The following CACNA1B variants were observed in gnomAD, a reference collection of about 807,000 sequenced individuals.
CACNA1B encodes the protein voltage-dependent N-type calcium channel subunit alpha-1B.
In CACNA1B, 70 loss-of-function variants were observed where a neutral mutation model predicts 247.2. The observed-to-expected ratio is 0.28, with a 90% CI of 0.23 to 0.35. The LOEUF (loss-of-function observed/expected upper bound fraction) is 0.35, where lower values mean the gene tolerates loss of function less well. Ranked by LOEUF, CACNA1B falls within the 10% of genes least tolerant of loss-of-function variation. CACNA1B has a pLI of 1.00. For missense variants in CACNA1B, 2,367 were observed against 3,197.4 expected, an observed-to-expected ratio of 0.74 and a Z score of 6.26; for synonymous variants, 1,231 against 1,294.4, an observed-to-expected ratio of 0.95 and a Z score of 1.05.
chr9:138,120,927 G>A (rs551128578), intron 46 of CACNA1B, 46 bp downstream of exon 46: 5 of 1,525,860 alleles, frequency 3.3e-6, no homozygotes, highest in South Asian at 2.5e-5. Flanking sequence ...GCCTCTCCTC[G>A]GCCCAGCACC....
At position 138,052,243 on chromosome 9, in the gene CACNA1B, T is replaced by TGTGTGCGTGTGTGC. The variant is rs1564260656; in HGVS notation, c.3807+68_3807+69insCGTGTGCGTGTGTG. 1.2e-5 allele frequency: 8 copies of TGTGTGCGTGTGTGC among 693,846 alleles called. No homozygotes were observed. Among genetic ancestry groups the TGTGTGCGTGTGTGC allele is most frequent in the African/African-American group, 5.4e-5 (1 of 18,362 alleles). 43.0% of individuals were successfully genotyped at this position (693,846 alleles called of 1,614,324 possible). A position where few individuals can be genotyped will look rare whatever the true frequency, so the allele number is the denominator to read the frequency against. On this transcript the variant is annotated intron_variant, in intron 25 of 46. Transcript: ENST00000371372. The surrounding 1 kb of genome is among the most constrained non-coding windows in gnomAD (Gnocchi z 5.1). ...TGTGCTGTGTGTGTGTGCGTGTGTG[T>TGTGTGCGTGTGTGC]GTGTGCGTGTGTGTGTGTGTATGCA...
chr9:137,978,817 G>A (rs1449062706), intron 12 of CACNA1B, among the ~76,000 whole-genome samples: 2 of 152,148 alleles, frequency 1.3e-5, no homozygotes, highest in Admixed American at 6.5e-5. Flanking sequence ...GTCAGTGGGT[G>A]AGCCTGGCTT....
In CACNA1B at chr9:137,986,085, G is replaced by A. The variant is rs529757619; in HGVS notation, c.1770-328G>A. Among the ~76,000 whole-genome samples the A allele has an allele frequency of 1.3e-5, 2 of 152,316 alleles. No individual in the cohort carries two copies. Among genetic ancestry groups the A allele is most frequent in the South Asian group, 4.1e-4 (2 of 4,834 alleles). Reference sequence around the variant, plus strand: ...CTGACTGGGTGTTGAGGAGTGAGGGGCAGGGAGGGGCCGAGGATGAAGTTT... The same window carrying A: ...CTGACTGGGTGTTGAGGAGTGAGGGACAGGGAGGGGCCGAGGATGAAGTTT... On this transcript the variant is annotated intron_variant, in intron 13 of 46. Transcript: ENST00000371372. The surrounding 1 kb of genome is among the most constrained non-coding windows in gnomAD (Gnocchi z 6.0).
rs1288952204 is a variant in CACNA1B, at chr9:138,059,023, A to T, written c.4474-56A>T. The T allele has an allele frequency of 2.9e-6, 3 of 1,047,352 alleles. No individual in the cohort carries two copies. Among genetic ancestry groups the T allele is most frequent in the Admixed American group, 1.9e-5 (1 of 53,840 alleles). The allele number at this position is 1,047,352 out of a possible 1,614,324, so 64.9% of individuals were successfully genotyped here. ...CTTTGCTTGGTCATAGTGGTCCCAG[A>T]TGGGGTGTCTTGGGGCTGCCAAACC... On this transcript the variant is annotated intron_variant, in intron 29 of 46. Transcript: ENST00000371372. This position sits in a 1 kb window ranked among gnomAD's most constrained non-coding sequence, Gnocchi z 4.2.
chr9:137,878,978 T>G, intron 1 of CACNA1B, 76 bp from the exon 2 acceptor site: 1 of 891,474 alleles, frequency 1.1e-6, no homozygotes, highest in East Asian at 2.7e-5. Context: ...CGGTGGCTGC[T>G]GCACTGGGCT....
At chr9:138,078,881 G>A (rs543195409) in intron 36 of CACNA1B, among the ~76,000 whole-genome samples, 1 of 152,332 alleles carries the variant, frequency 6.6e-6, no homozygotes, top group Non-Finnish European at 1.5e-5. Flanking sequence ...AGAGGAAAAA[G>A]CAGGCTGCAT....
Position 138,120,356 on chromosome 9 carries a change from T to G in CACNA1B, c.6222T>G (p.Ser2074=). ...CCCTGGAGAAGGGGCCCAGCCTGTC[T>G]GCCGATATGGATGGCGGTGCGTGCG... ...QRSLEKGPSL[S]ADMDGAPSSA... is the part of the protein sequence containing the mutation. Residue 2074 remains serine, a synonymous_variant, in exon 45 of 47, where the codon TCT becomes TCG. Transcript: ENST00000371372. 1 of 1,555,370 alleles carries G rather than the reference T, an allele frequency of 6.4e-7. No homozygotes were observed. The highest frequency in any genetic ancestry group is 1.2e-5 in the South Asian group (1 of 85,162).
chr9:137,883,685 C>T (rs1325968130), intron 3 of CACNA1B, among the ~76,000 whole-genome samples: 4 of 152,068 alleles, frequency 2.6e-5, no homozygotes, highest in Non-Finnish European at 5.9e-5. Flanking sequence ...GGAGTGAGTG[C>T]TTGGGGAGTT....
chr9:138,034,510 T>A (rs577307194), intron 20 of CACNA1B, among the ~76,000 whole-genome samples: 1 of 151,898 alleles, frequency 6.6e-6, no homozygotes, highest in East Asian at 1.9e-4. Context: ...TTATTGTCTA[T>A]AAGTTTTATA....
chr9:137,980,636 C>T lies in CACNA1B; in HGVS notation c.1657-3502C>T, dbSNP rs182533390. ...TCACCCAAGTAGTGAGCATAGTACC[C>T]GGAAGATAGTTTGTCAACCCCTTCC... On this transcript the variant is annotated intron_variant, in intron 12 of 46. Transcript: ENST00000371372. Among the ~76,000 whole-genome samples the T allele has an allele frequency of 1.2e-4, 18 of 152,308 alleles. No individual in the cohort carries two copies. In the East Asian group the frequency reaches 3.3e-3, roughly 28 times the overall value.
intron 36 of CACNA1B, among the ~76,000 whole-genome samples, chr9:138,086,299 G>A (rs771744636): frequency 2.0e-5 from 3 of 151,158 alleles, no homozygotes; most frequent in Admixed American, 6.6e-5. Flanking sequence ...CATACTCCAC[G>A]TAAACAGAAA....
At chr9:138,111,314 A>C (rs1329760958) in intron 39 of CACNA1B, among the ~76,000 whole-genome samples, 1 of 152,274 alleles carries the variant, frequency 6.6e-6, no homozygotes. Flanking sequence ...AATACTCAGG[A>C]GTAAAAGGAA....
intron 3 of CACNA1B, among the ~76,000 whole-genome samples, chr9:137,887,199 C>A (rs1281166834): frequency 6.6e-6 from 1 of 151,282 alleles, no homozygotes; most frequent in East Asian, 2.0e-4. Context: ...CAAGGCTGTG[C>A]ACTGCGCCCC....
At chr9:138,088,869 G>A (rs943997444) in intron 36 of CACNA1B, among the ~76,000 whole-genome samples, 1 of 145,320 alleles carries the variant, frequency 6.9e-6, no homozygotes, top group Non-Finnish European at 1.5e-5. Flanking sequence ...TGAGGCAGGG[G>A]ACTTTCTTGA....
At chr9:137,981,258 A>C (rs1164904071) in intron 12 of CACNA1B, among the ~76,000 whole-genome samples, 1 of 152,098 alleles carries the variant, frequency 6.6e-6, no homozygotes, top group African/African-American at 2.4e-5. Flanking sequence ...ATTTTTTTCC[A>C]TATCTTTGCT....
rs751376278 is a variant in CACNA1B at position 138,023,836 on chromosome 9, A to G, written c.3068+25A>G. 1.4e-5 allele frequency: 16 copies of G among 1,161,564 alleles called. No homozygotes were observed. In the East Asian group the frequency reaches 2.1e-4, roughly 15 times the overall value. 72.0% of individuals were successfully genotyped at this position (1,161,564 alleles called of 1,614,324 possible). ...GGTGAGTCCGCGGCTGGGCGGGGTC[A>G]GGGAGGGAAGGGTTGGCCGGGGCGG... On this transcript the variant is annotated intron_variant, in intron 19 of 46. Transcript: ENST00000371372.
At chr9:138,088,781 C>A (rs527779757) in intron 36 of CACNA1B, among the ~76,000 whole-genome samples, 4 of 150,932 alleles carry the variant, frequency 2.7e-5, no homozygotes, top group Non-Finnish European at 5.9e-5. Flanking sequence ...AGTGAAACCC[C>A]GTCTCTACTA....
In CACNA1B at chr9:137,888,343, G is replaced by T. The variant is rs1251227202; in HGVS notation, c.530+5460G>T. Among the ~76,000 whole-genome samples, 1 of 151,930 alleles carries T rather than the reference G, an allele frequency of 6.6e-6. No individual in the cohort carries two copies. Among genetic ancestry groups the T allele is most frequent in the African/African-American group, 2.4e-5 (1 of 41,400 alleles). On this transcript the variant is annotated intron_variant, in intron 3 of 46. Coordinates refer to ENST00000371372, the MANE Select transcript of CACNA1B (RefSeq NM_000718.4). The surrounding 1 kb of genome is among the most constrained non-coding windows in gnomAD (Gnocchi z 4.7). ...CTCCCAGTCCTGTCCCCACGTCACT[G>T]CCTCTGCCCTCCCGGGCCCCTCAGG...
intron 40 of CACNA1B, among the ~76,000 whole-genome samples, chr9:138,113,632 G>A (rs556714079): frequency 1.5e-5 from 2 of 135,930 alleles, no homozygotes; most frequent in Admixed American, 7.1e-5. Flanking sequence ...TGTGGGAGAC[G>A]TGAGGGAGCG....
Sources: gnomAD v4.1 joint callset for allele counts (sites outside exome capture counted in the v4.1 genomes callset) on GRCh38, gnomAD v4.1.1 for gene constraint, Gnocchi (gnomAD v3.1) non-coding constraint, MANE v1.5 for transcripts, NCBI Gene and HGNC (gene_info 2026-07-23, HGNC 2026-07-21) for gene names.